FOXN2: variants seen among roughly 807,000 people sequenced by gnomAD.
FOXN2 encodes the protein forkhead box N2.
FOXN2 carries 19 observed loss-of-function variants against 41.2 expected under a neutral mutation model. The observed-to-expected ratio is 0.46, with a 90% CI of 0.32 to 0.68. FOXN2 has a LOEUF of 0.68. FOXN2 is among the 30% of genes least tolerant of loss of function. The pLI, the probability that FOXN2 is intolerant of heterozygous loss-of-function variation, is 0.03. For synonymous variants in FOXN2, 195 were observed against 176.8 expected (o/e 1.10, Z -0.82); for missense variants, 587 against 509.4 (o/e 1.15, Z -1.47).
chr2:48,379,058 C>G lies in FOXN2; in HGVS notation c.*3615C>G, dbSNP rs901452992. On this transcript the variant is annotated 3_prime_UTR_variant, in exon 7 of 7. Coordinates refer to ENST00000340553, the MANE Select transcript of FOXN2 (RefSeq NM_002158.4). ...TGTTATCAAACTGTTTCCTTATCCTCTTTTCTGATGTAGCATAAAAATTGT... is the reference window on the plus strand; with the variant it reads ...TGTTATCAAACTGTTTCCTTATCCTGTTTTCTGATGTAGCATAAAAATTGT... 1 of 152,554 alleles carries G rather than the reference C, an allele frequency of 6.6e-6. No homozygotes were observed. The highest frequency in any genetic ancestry group is 1.5e-5 in the Non-Finnish European group (1 of 68,004). 9.5% of individuals were successfully genotyped at this position (152,554 alleles called of 1,614,324 possible). A position where few individuals can be genotyped will look rare whatever the true frequency, so the allele number is the denominator to read the frequency against.
chr2:48,333,820 T>C (rs1263332247), intron 2 of FOXN2, among the ~76,000 whole-genome samples: 1 of 152,254 alleles, frequency 6.6e-6, no homozygotes, highest in African/African-American at 2.4e-5. Flanking sequence ...ACTGTAAATA[T>C]ACATTTTGCC....
Position 48,327,007 on chromosome 2 carries a change from A to G in FOXN2, c.-156-1554A>G, listed in dbSNP as rs543842112. ...ATGAAAGATAATGTTGACCTAGGCTATAGTTGTGACAGTGAAAATGGAGAA... is the reference window on the plus strand; with the variant it reads ...ATGAAAGATAATGTTGACCTAGGCTGTAGTTGTGACAGTGAAAATGGAGAA... On this transcript the variant is annotated intron_variant, in intron 1 of 6. Coordinates refer to ENST00000340553, the MANE Select transcript of FOXN2 (RefSeq NM_002158.4). Among the ~76,000 whole-genome samples, 20 of 152,258 alleles carry G rather than the reference A, an allele frequency of 1.3e-4. No individual in the cohort carries two copies. In the South Asian group the frequency reaches 4.1e-3, roughly 32 times the overall value.
chr2:48,333,866 C>G (rs929546919), intron 2 of FOXN2, among the ~76,000 whole-genome samples: 5 of 151,864 alleles, frequency 3.3e-5, no homozygotes, highest in Admixed American at 2.6e-4. Context: ...GGGGTGTTGC[C>G]TCAGACTTCA....
intron 2 of FOXN2, among the ~76,000 whole-genome samples, chr2:48,343,872 C>T (rs564226019): frequency 2.6e-5 from 4 of 152,174 alleles, no homozygotes; most frequent in Non-Finnish European, 4.4e-5. Context: ...ATTTTAAAGC[C>T]TATGACATAG....
intron 2 of FOXN2, among the ~76,000 whole-genome samples, chr2:48,338,404 T>G (rs1384893102): frequency 6.6e-6 from 1 of 151,790 alleles, no homozygotes; most frequent in Non-Finnish European, 1.5e-5. Context: ...TGCCATTTTT[T>G]TTTTTTTGAG....
At chr2:48,318,508 C>T (rs1309410492) in intron 1 of FOXN2, among the ~76,000 whole-genome samples, 3 of 152,166 alleles carry the variant, frequency 2.0e-5, no homozygotes, top group Non-Finnish European at 4.4e-5. Context: ...ATGACGCTTA[C>T]CTTGATCAGG....
chr2:48,332,910 C>T (rs929615871), intron 2 of FOXN2, among the ~76,000 whole-genome samples: 1 of 152,172 alleles, frequency 6.6e-6, no homozygotes. Flanking sequence ...AGCAATATTT[C>T]TTCACAGCTC....
chr2:48,372,380 A>G (rs1195327329), intron 5 of FOXN2, among the ~76,000 whole-genome samples: 1 of 152,202 alleles, frequency 6.6e-6, no homozygotes, highest in Non-Finnish European at 1.5e-5. Context: ...TTGAAAGTAA[A>G]TAGGAAATCT....
intron 4 of FOXN2, among the ~76,000 whole-genome samples, chr2:48,361,013 C>CAA (rs10719302): frequency 7.9e-6 from 1 of 126,862 alleles, no homozygotes. Flanking sequence ...GACCCCATCT[C>CAA]AAAAAAAAAA....
intron 5 of FOXN2, 113 bp downstream of exon 5, chr2:48,362,820 A>G (rs1015885798): frequency 8.4e-6 from 7 of 836,866 alleles, no homozygotes; most frequent in East Asian, 5.0e-5. Flanking sequence ...AAAAATTTCT[A>G]TTGCCTGGTG....
chr2:48,332,709 ATAG>A (rs1260558267), intron 2 of FOXN2, among the ~76,000 whole-genome samples: 3 of 152,222 alleles, frequency 2.0e-5, no homozygotes, highest in Non-Finnish European at 2.9e-5. Context: ...TTTAAAATTT[ATAG>A]TAGTAATAAT....
In FOXN2 at chr2:48,377,890, C is replaced by T. The variant is rs1673349366; in HGVS notation, c.*2447C>T. On this transcript the variant is annotated 3_prime_UTR_variant, in exon 7 of 7. Coordinates refer to ENST00000340553, the MANE Select transcript of FOXN2 (RefSeq NM_002158.4). Reference sequence around the variant, plus strand: ...TGTTTTGAGAAACATGACTAATAACCACACAATTAAGTAGAGTCATTCCAA... The same window carrying T: ...TGTTTTGAGAAACATGACTAATAACTACACAATTAAGTAGAGTCATTCCAA... 2 of 151,936 alleles carry T rather than the reference C, an allele frequency of 1.3e-5. No individual in the cohort carries two copies. Among genetic ancestry groups the T allele is most frequent in the Non-Finnish European group, 1.5e-5 (1 of 67,880 alleles). The allele number at this position is 151,936 out of a possible 1,614,324, so 9.4% of individuals were successfully genotyped here. A position where few individuals can be genotyped will look rare whatever the true frequency, so the allele number is the denominator to read the frequency against.
chr2:48,357,474 ATGT>A (rs933962736), intron 3 of FOXN2, among the ~76,000 whole-genome samples: 1 of 151,768 alleles, frequency 6.6e-6, no homozygotes, highest in East Asian at 1.9e-4. Flanking sequence ...GGGGCAAAAG[ATGT>A]TGTAGGTGCT....
chr2:48,371,771 GTATTT>G (rs1185189846), intron 5 of FOXN2, among the ~76,000 whole-genome samples: 2 of 151,978 alleles, frequency 1.3e-5, no homozygotes, highest in Non-Finnish European at 2.9e-5. Context: ...TTTTTTGTAG[GTATTT>G]TAATTTTATT....
chr2:48,316,266 T>A, intron 1 of FOXN2, among the ~76,000 whole-genome samples: 1 of 152,126 alleles, frequency 6.6e-6, no homozygotes, highest in East Asian at 1.9e-4. Context: ...TGTTGATCCA[T>A]CTTTAAAACC....
chr2:48,341,725 C>T lies in FOXN2; in HGVS notation c.-14-4476C>T, dbSNP rs537625331. ...CATGGGTTGAATGAGAATTGTGTAC[C>T]GTACTGTCTTTTCAGCAGCTTGCTG... On this transcript the variant is annotated intron_variant, in intron 2 of 6. Coordinates refer to ENST00000340553, the MANE Select transcript of FOXN2 (RefSeq NM_002158.4). Among the ~76,000 whole-genome samples the T allele has an allele frequency of 5.3e-5, 8 of 152,258 alleles. No individual in the cohort carries two copies. In the South Asian group the frequency reaches 1.0e-3, roughly 20 times the overall value.
intron 1 of FOXN2, among the ~76,000 whole-genome samples, chr2:48,321,894 T>C (rs545324498): frequency 2.0e-4 from 30 of 152,364 alleles, no homozygotes; most frequent in African/African-American, 7.0e-4. Context: ...ACTACAGGTC[T>C]AGTGGCTGAG....
In FOXN2 at chr2:48,317,595, C is replaced by CTTTTTTTTTT. The variant is rs574980247; in HGVS notation, c.-157+2802_-157+2811dup. On this transcript the variant is annotated intron_variant, in intron 1 of 6. Coordinates refer to ENST00000340553, the MANE Select transcript of FOXN2 (RefSeq NM_002158.4). ...ACAATGCCTATAGCCTATAGTATTG[C>CTTTTTTTTTT]TTTTTTTTTTTTTTTTTTTTTTTTT... Among the ~76,000 whole-genome samples the CTTTTTTTTTT allele has an allele frequency of 5.8e-3, 200 of 34,750 alleles. 64 individuals carry two copies. The highest frequency in any genetic ancestry group is 9.8e-3 in the Non-Finnish European group (171 of 17,480). 22.8% of individuals were successfully genotyped at this position (34,750 alleles called of 152,430 possible). A position where few individuals can be genotyped will look rare whatever the true frequency, so the allele number is the denominator to read the frequency against.
intron 5 of FOXN2, among the ~76,000 whole-genome samples, chr2:48,371,214 A>G (rs555378556): frequency 7.2e-5 from 11 of 152,238 alleles, no homozygotes; most frequent in African/African-American, 2.6e-4. Flanking sequence ...CCTGGCCAAC[A>G]TGGTGAAATT....
Sources: gnomAD v4.1 joint callset for allele counts (sites outside exome capture counted in the v4.1 genomes callset) on GRCh38, gnomAD v4.1.1 for gene constraint, MANE v1.5 for transcripts, NCBI Gene and HGNC (gene_info 2026-07-23, HGNC 2026-07-21) for gene names.